The following NEK10 variants were observed in gnomAD, a reference collection of about 807,000 sequenced individuals.
NEK10 encodes serine/threonine-protein kinase Nek10.
Under a neutral mutation model 159.8 loss-of-function variants are expected in NEK10, and 122 were observed. The observed-to-expected ratio is 0.76, with a 90% CI of 0.66 to 0.89. The LOEUF is 0.89. NEK10 is among the 40% of genes least tolerant of loss of function. NEK10 has a pLI of 0.00. For missense variants in NEK10, 1,342 were observed against 1,323.1 expected, an observed-to-expected ratio of 1.01 and a Z score of -0.22; for synonymous variants, 466 against 457.1, an observed-to-expected ratio of 1.02 and a Z score of -0.25.
At chr3:27,245,731 T>G (rs1954995212) in intron 23 of NEK10, among the ~76,000 whole-genome samples, 1 of 152,212 alleles carries the variant, frequency 6.6e-6, no homozygotes, top group Admixed American at 6.5e-5. Context: ...TATACATCTC[T>G]CCATCATCAA....
chr3:27,348,066 A>C (rs927692176), intron 3 of NEK10, among the ~76,000 whole-genome samples: 7 of 152,204 alleles, frequency 4.6e-5, no homozygotes, highest in Admixed American at 3.3e-4. Flanking sequence ...TAAACGAATA[A>C]AATTTGTCAT....
intron 23 of NEK10, among the ~76,000 whole-genome samples, chr3:27,233,139 C>T (rs1026047618): frequency 6.6e-6 from 1 of 152,062 alleles, no homozygotes; most frequent in Non-Finnish European, 1.5e-5. Flanking sequence ...ACAAACTATA[C>T]ATCCAACAAA....
intron 23 of NEK10, among the ~76,000 whole-genome samples, chr3:27,205,978 C>T (rs1411574102): frequency 6.6e-6 from 1 of 151,628 alleles, no homozygotes; most frequent in African/African-American, 2.4e-5. Context: ...GGGCTAATAT[C>T]CAGAATCTAC....
chr3:27,280,462 C>T (rs1159359029), intron 22 of NEK10, among the ~76,000 whole-genome samples: 1 of 152,014 alleles, frequency 6.6e-6, no homozygotes, highest in Non-Finnish European at 1.5e-5. Flanking sequence ...ATTCATTTTT[C>T]AAAGAAATAA....
intron 13 of NEK10, among the ~76,000 whole-genome samples, chr3:27,300,392 C>A (rs1171699550): frequency 6.6e-6 from 1 of 152,090 alleles, no homozygotes; most frequent in Non-Finnish European, 1.5e-5. Context: ...TGTGAGGCTT[C>A]CCCAACCATG....
chr3:27,255,302 C>T (rs1350601146), intron 23 of NEK10: 2 of 431,814 alleles, frequency 4.6e-6, no homozygotes, highest in African/African-American at 4.0e-5. Flanking sequence ...TCTCATGAAA[C>T]CACTTTCAAG....
chr3:27,119,438 T>C (rs1368578072), intron 33 of NEK10, among the ~76,000 whole-genome samples: 3 of 152,186 alleles, frequency 2.0e-5, no homozygotes, highest in Admixed American at 6.5e-5. Flanking sequence ...TTTCTGCTCT[T>C]TATCTCCCTA....
rs1314375998 is a variant in NEK10 at position 27,352,982 on chromosome 3, A to C, written c.-37-63T>G. 9 of 735,756 alleles carry C rather than the reference A, an allele frequency of 1.2e-5. No homozygotes were observed. In the Admixed American group the frequency reaches 2.1e-4, roughly 17 times the overall value. 45.6% of individuals were successfully genotyped at this position (735,756 alleles called of 1,614,324 possible). The stretch of plus-strand genomic sequence containing the variant: ...TGCGTGTGCCAAAATATTCTCAGTT[A>C]ATACAGACAAAACCCACTTATAACA... On this transcript the variant is annotated intron_variant, in intron 1 of 35. Coordinates refer to ENST00000691995, the MANE Select transcript of NEK10 (RefSeq NM_001394966.1).
intron 23 of NEK10, among the ~76,000 whole-genome samples, chr3:27,205,262 C>T (rs538234049): frequency 0.011 from 1,679 of 146,674 alleles, 11 homozygotes; most frequent in South Asian, 0.021. Context: ...GAATCAATAT[C>T]GTGAAAATGG....
chr3:27,295,488 T>C, intron 15 of NEK10, 125 bp downstream of exon 15: 1 of 1,109,340 alleles, frequency 9.0e-7, no homozygotes, highest in African/African-American at 1.6e-5. Flanking sequence ...GCCAGATATT[T>C]TTCCCTCATA....
At chr3:27,195,011 AT>A (rs1949441458) in intron 25 of NEK10, among the ~76,000 whole-genome samples, 2 of 152,248 alleles carry the variant, frequency 1.3e-5, no homozygotes, top group Non-Finnish European at 2.9e-5. Flanking sequence ...ATGTGCTTGT[AT>A]ACCACATGAG....
At chr3:27,210,515 A>ACTC (rs1480942013) in intron 23 of NEK10, among the ~76,000 whole-genome samples, 2 of 152,052 alleles carry the variant, frequency 1.3e-5, no homozygotes, top group Non-Finnish European at 2.9e-5. Flanking sequence ...AAACCATAGC[A>ACTC]CTCTGTATAA....
chr3:27,234,966 C>T (rs1017469258), intron 23 of NEK10, among the ~76,000 whole-genome samples: 3 of 152,016 alleles, frequency 2.0e-5, no homozygotes, highest in Non-Finnish European at 2.9e-5. Flanking sequence ...GATTGCACAC[C>T]TACAACCATC....
chr3:27,308,256 T>C (rs190285190), intron 10 of NEK10, among the ~76,000 whole-genome samples: 1 of 152,262 alleles, frequency 6.6e-6, no homozygotes, highest in Non-Finnish European at 1.5e-5. Context: ...GAGAACAGCA[T>C]GGAGGAAATG....
chr3:27,143,390 G>T, intron 30 of NEK10: 1 of 710,074 alleles, frequency 1.4e-6, no homozygotes, highest in Non-Finnish European at 2.5e-6. Context: ...ATGGCAAAGA[G>T]TTCTTAGATC....
intron 1 of NEK10, among the ~76,000 whole-genome samples, chr3:27,367,973 G>A (rs2049219294): frequency 6.6e-6 from 1 of 152,090 alleles, no homozygotes. Flanking sequence ...AAGTAGGGAA[G>A]GGAAATGCCC....
intron 23 of NEK10, among the ~76,000 whole-genome samples, chr3:27,251,781 T>A (rs1268245489): frequency 6.6e-6 from 1 of 152,250 alleles, no homozygotes; most frequent in African/African-American, 2.4e-5. Flanking sequence ...TAATATATAA[T>A]CTTTACACAT....
intron 2 of NEK10, 45 bp downstream of exon 2, chr3:27,352,767 C>T (rs367632289): frequency 1.5e-6 from 2 of 1,307,672 alleles, no homozygotes; most frequent in African/African-American, 1.4e-5. Flanking sequence ...TGTTCAATGG[C>T]CACTGCCTGA....
At chr3:27,263,810 C>G (rs1290751651) in intron 22 of NEK10, among the ~76,000 whole-genome samples, 1 of 152,252 alleles carries the variant, frequency 6.6e-6, no homozygotes, top group Admixed American at 6.5e-5. Context: ...GCTCGGTGCA[C>G]TGCACCCACT....
Sources: gnomAD v4.1 joint callset for allele counts (sites outside exome capture counted in the v4.1 genomes callset) on GRCh38, gnomAD v4.1.1 for gene constraint, MANE v1.5 for transcripts, NCBI Gene and HGNC (gene_info 2026-07-23, HGNC 2026-07-21) for gene names.